The following FOXN3 variants were observed in gnomAD, a reference collection of about 807,000 sequenced individuals.
FOXN3 encodes the protein forkhead box N3.
In FOXN3, 7 loss-of-function variants were observed where a neutral mutation model predicts 38.4. That is an observed-to-expected ratio of 0.18 (90% CI 0.10 to 0.34). The LOEUF is 0.34. FOXN3 is among the 10% of genes least tolerant of loss of function. The pLI is 1.00. For synonymous variants in FOXN3, 230 were observed against 242.2 expected (o/e 0.95, Z 0.47); for missense variants, 456 against 613.4 (o/e 0.74, Z 2.71).
In FOXN3 at chr14:89,336,814, G is replaced by A. The variant is rs766722664; in HGVS notation, c.680+13858C>T. Among the ~76,000 whole-genome samples the A allele has an allele frequency of 3.9e-5, 6 of 152,140 alleles. No individual in the cohort carries two copies. The East Asian group carries it at 9.6e-4, about 24-fold the overall frequency. On this transcript the variant is annotated intron_variant, in intron 3 of 5. Coordinates refer to ENST00000557258, the MANE Select transcript of FOXN3 (RefSeq NM_005197.4). ...TCATTTCTTAGAAGCCTAGAATATC[G>A]GATGGAAATAGATTTTTGTTTTACT...
intron 2 of FOXN3, among the ~76,000 whole-genome samples, chr14:89,381,877 A>AAGGGAGGGACGG (rs1254155151): frequency 4.0e-5 from 6 of 151,312 alleles, no homozygotes; most frequent in Non-Finnish European, 7.4e-5. Flanking sequence ...GGGAAGGGGA[A>AAGGGAGGGACGG]AGGGAGGGAC....
At position 89,224,231 on chromosome 14, in the gene FOXN3, T is replaced by C. The variant is rs535494644; in HGVS notation, c.746-43425A>G. Among the ~76,000 whole-genome samples, 392 of 152,338 alleles carry C rather than the reference T, an allele frequency of 2.6e-3. 1 individual carries two copies. Among genetic ancestry groups the C allele is most frequent in the African/African-American group, 9.2e-3 (382 of 41,574 alleles). ...AGTCAGGCAATTGAGTACTTATAAA[T>C]TTAATAAGTTCGATTTCCTTTACAA... On this transcript the variant is annotated intron_variant, in intron 4 of 5. Transcript: ENST00000557258.
chr14:89,581,169 G>C (rs970127940), intron 1 of FOXN3, among the ~76,000 whole-genome samples: 2 of 151,922 alleles, frequency 1.3e-5, no homozygotes, highest in Non-Finnish European at 2.9e-5. Flanking sequence ...GTGACAGAGT[G>C]AGACCCTGTC....
intron 4 of FOXN3, among the ~76,000 whole-genome samples, chr14:89,261,420 C>G (rs1885796034): frequency 6.6e-6 from 1 of 152,196 alleles, no homozygotes; most frequent in African/African-American, 2.4e-5. Context: ...GAAGTTTCAG[C>G]TGTACATTCC....
chr14:89,303,837 G>A (rs1376789394), intron 3 of FOXN3, among the ~76,000 whole-genome samples: 1 of 152,218 alleles, frequency 6.6e-6, no homozygotes, highest in Non-Finnish European at 1.5e-5. Context: ...ACTATTATCA[G>A]TGTATCTACT....
At chr14:89,299,249 C>T (rs2086981673) in intron 3 of FOXN3, among the ~76,000 whole-genome samples, 1 of 152,144 alleles carries the variant, frequency 6.6e-6, no homozygotes, top group Non-Finnish European at 1.5e-5. Flanking sequence ...GGGCGGTTTC[C>T]CCCATACTAT....
intron 3 of FOXN3, among the ~76,000 whole-genome samples, chr14:89,311,212 C>T (rs1194181240): frequency 2.0e-5 from 3 of 147,260 alleles, no homozygotes; most frequent in African/African-American, 7.5e-5. Flanking sequence ...TGTATCGGGC[C>T]GGTGCGGTGG....
chr14:89,430,230 C>G (rs954146646), intron 1 of FOXN3, among the ~76,000 whole-genome samples: 3 of 152,042 alleles, frequency 2.0e-5, no homozygotes, highest in Non-Finnish European at 2.9e-5. Context: ...GCTTTTTCCA[C>G]TCTTTGAGAG....
chr14:89,221,190 A>G (rs1017993625), intron 4 of FOXN3, among the ~76,000 whole-genome samples: 1 of 152,188 alleles, frequency 6.6e-6, no homozygotes, highest in East Asian at 1.9e-4. Flanking sequence ...GACAGTAAAC[A>G]TAGTGGTAAC....
intron 1 of FOXN3, among the ~76,000 whole-genome samples, chr14:89,440,000 C>T (rs968572952): frequency 3.3e-5 from 5 of 152,108 alleles, no homozygotes; most frequent in Non-Finnish European, 7.4e-5. Flanking sequence ...TCTATGGACT[C>T]GCCTTGAATT....
intron 2 of FOXN3, among the ~76,000 whole-genome samples, chr14:89,381,016 C>T (rs1890627814): frequency 6.6e-6 from 1 of 151,874 alleles, no homozygotes; most frequent in South Asian, 2.1e-4. Flanking sequence ...GTGGCGTGTG[C>T]CCATAATCCC....
intron 1 of FOXN3, among the ~76,000 whole-genome samples, chr14:89,554,811 C>T (rs1383147001): frequency 2.3e-4 from 10 of 44,128 alleles, no homozygotes; most frequent in South Asian, 6.7e-4. Context: ...TTTTTTGAGA[C>T]GGAGTTTTGT....
chr14:89,276,797 C>T (rs1166471771), intron 4 of FOXN3, among the ~76,000 whole-genome samples: 2 of 152,216 alleles, frequency 1.3e-5, no homozygotes, highest in Non-Finnish European at 2.9e-5. Context: ...CAGGCAGTAG[C>T]TCCTCTCTGA....
intron 1 of FOXN3, among the ~76,000 whole-genome samples, chr14:89,504,535 A>T (rs1398802842): frequency 1.3e-5 from 2 of 150,756 alleles, no homozygotes; most frequent in Admixed American, 6.6e-5. Flanking sequence ...TGCTCTTCCC[A>T]GGGGCATTAG....
intron 4 of FOXN3, among the ~76,000 whole-genome samples, chr14:89,239,323 T>C (rs1005170584): frequency 1.3e-5 from 2 of 152,176 alleles, no homozygotes; most frequent in Non-Finnish European, 1.5e-5. Context: ...GTAAGCGGGG[T>C]TTAAGAGATC....
chr14:89,264,705 C>A (rs572572066), intron 4 of FOXN3, among the ~76,000 whole-genome samples: 1 of 152,320 alleles, frequency 6.6e-6, no homozygotes, highest in African/African-American at 2.4e-5. Flanking sequence ...TCGTCAGGAA[C>A]CTGGCTATGA....
Position 89,156,914 on chromosome 14 carries a change from GA to G in FOXN3, c.*5499del, listed in dbSNP as rs1162123480. On this transcript the variant is annotated 3_prime_UTR_variant, in exon 6 of 6. Coordinates refer to ENST00000557258, the MANE Select transcript of FOXN3 (RefSeq NM_005197.4). ...AAATCTCATCTAAAAAAAAGGAGGA[GA>G]GGGGCTGGGGAACTCAGGCCACAGT... 6.6e-6 allele frequency: 1 copy of G among 152,548 alleles called. No individual in the cohort carries two copies. Among genetic ancestry groups the G allele is most frequent in the Non-Finnish European group, 1.5e-5 (1 of 68,034 alleles). 9.4% of individuals were successfully genotyped at this position (152,548 alleles called of 1,614,324 possible). A position where few individuals can be genotyped will look rare whatever the true frequency, so the allele number is the denominator to read the frequency against.
At chr14:89,491,142 T>G (rs1285082631) in intron 1 of FOXN3, among the ~76,000 whole-genome samples, 4 of 48,482 alleles carry the variant, frequency 8.3e-5, no homozygotes, top group South Asian at 4.9e-4. Context: ...TTGTTTTTTG[T>G]TTTTTTTTTT....
At chr14:89,590,744 G>A (rs243169) in intron 1 of FOXN3, among the ~76,000 whole-genome samples, 41,818 of 151,974 alleles carry the variant, frequency 0.28, 5,947 homozygotes, top group East Asian at 0.43. Flanking sequence ...CTCTCCCCGA[G>A]AGTCAGCCGT....
Sources: allele counts gnomAD v4.1 joint callset (sites outside exome capture counted in the v4.1 genomes callset), GRCh38; gene constraint gnomAD v4.1.1; transcripts MANE v1.5; gene names NCBI Gene and HGNC (gene_info 2026-07-23, HGNC 2026-07-21).